RB1CC1: variants seen among roughly 807,000 people sequenced by gnomAD.
RB1CC1 encodes the protein RB1 inducible coiled-coil 1, also known as RB1-inducible coiled-coil protein 1.
RB1CC1 carries 46 observed loss-of-function variants against 177.5 expected under a neutral mutation model. The observed-to-expected ratio is 0.26, with a 90% confidence interval of 0.20 to 0.33. The LOEUF (loss-of-function observed/expected upper bound fraction) is 0.33, where lower values mean the gene tolerates loss of function less well. Ranked by LOEUF, RB1CC1 falls within the 10% of genes least tolerant of loss-of-function variation. The probability of loss-of-function intolerance (pLI) is 1.00; values close to 1 mark genes in which losing one functional copy is unlikely to be tolerated. For missense variants in RB1CC1, 1,703 were observed against 1,816.3 expected (o/e 0.94, Z 1.13); for synonymous variants, 666 against 613.6 (o/e 1.09, Z -1.26).
rs141638598 is a variant in RB1CC1, at chr8:52,623,855, T to C, written c.4712A>G (p.Gln1571Arg). Residue 1571 changes from glutamine (Q) to arginine (R), a missense_variant, in exon 24 of 24, where the codon CAA (glutamine) becomes CGA (arginine). By Grantham distance (43) the Gln-to-Arg change is conservative. This residue lies in a region of RB1CC1 where 70 missense variants were observed against 118.0 expected (regional missense o/e 0.59). Coordinates refer to ENST00000025008, the MANE Select transcript of RB1CC1 (RefSeq NM_014781.5). ...CCCCAAAGGAACTTTAAATCTGTTT[T>C]GTGCCTAAGAGGGAAAGAAAAAATG... Reference protein sequence around the residue: ...EKEYCQAKKAQNRFKVPLGTK... With the variant: ...EKEYCQAKKARNRFKVPLGTK... 1.2e-6 allele frequency: 2 copies of C among 1,604,846 alleles called. No individual in the cohort carries two copies. The highest frequency in any genetic ancestry group is 8.5e-7 in the Non-Finnish European group (1 of 1,172,526).
At chr8:52,699,545 A>C (rs1213461365) in intron 1 of RB1CC1, among the ~76,000 whole-genome samples, 1 of 151,550 alleles carries the variant, frequency 6.6e-6, no homozygotes, top group Non-Finnish European at 1.5e-5. Context: ...ATGGTGGCTC[A>C]CGCCTGTAAT....
chr8:52,712,082 T>G (rs1857104626), intron 1 of RB1CC1, among the ~76,000 whole-genome samples: 1 of 152,144 alleles, frequency 6.6e-6, no homozygotes, highest in South Asian at 2.1e-4. Context: ...ATGTAACTAG[T>G]TCAAAAACCT....
chr8:52,634,976 T>TGGAAAAAA lies in RB1CC1; in HGVS notation c.4393-16_4393-9dup. 1 of 1,604,328 alleles carries TGGAAAAAA rather than the reference T, an allele frequency of 6.2e-7. No homozygotes were observed. Among genetic ancestry groups the TGGAAAAAA allele is most frequent in the Non-Finnish European group, 8.5e-7 (1 of 1,174,994 alleles). ...TTCTTTCAATTGCAATGTCTGCAGG[T>TGGAAAAAA]GGAAAAAAGAGACCTGTGGTTTATC... On this transcript the variant is annotated splice_polypyrimidine_tract_variant and intron_variant, in intron 19 of 23. Coordinates refer to ENST00000025008, the MANE Select transcript of RB1CC1 (RefSeq NM_014781.5).
chr8:52,650,829 C>A (rs1487301758), intron 15 of RB1CC1, among the ~76,000 whole-genome samples: 1 of 152,162 alleles, frequency 6.6e-6, no homozygotes, highest in African/African-American at 2.4e-5. Flanking sequence ...AGACATGTCC[C>A]AGCTGTGCCT....
At chr8:52,648,724 G>T (rs1476827256) in intron 15 of RB1CC1, among the ~76,000 whole-genome samples, 1 of 152,152 alleles carries the variant, frequency 6.6e-6, no homozygotes, top group Non-Finnish European at 1.5e-5. Context: ...AAAAGAGAAT[G>T]AATGGGCTCC....
At chr8:52,639,155 TGAG>T (rs1346504828) in intron 18 of RB1CC1, among the ~76,000 whole-genome samples, 1 of 152,160 alleles carries the variant, frequency 6.6e-6, no homozygotes, top group East Asian at 1.9e-4. Context: ...TGAATACATC[TGAG>T]GAGAAAAATG....
At chr8:52,645,664 C>T (rs1300066193) in intron 16 of RB1CC1, 38 bp downstream of exon 16, 5 of 1,581,952 alleles carry the variant, frequency 3.2e-6, no homozygotes, top group African/African-American at 1.4e-5. Flanking sequence ...TGTCTACCTT[C>T]TTTAGTTCTC....
At chr8:52,655,045 G>A (rs1850957401) in intron 15 of RB1CC1, among the ~76,000 whole-genome samples, 1 of 152,068 alleles carries the variant, frequency 6.6e-6, no homozygotes, top group Non-Finnish European at 1.5e-5. Context: ...TCTTTGACAA[G>A]CTCTCCTGGC....
At chr8:52,637,459 T>C (rs1849231685) in intron 18 of RB1CC1, among the ~76,000 whole-genome samples, 1 of 152,128 alleles carries the variant, frequency 6.6e-6, no homozygotes, top group South Asian at 2.1e-4. Context: ...TGCCTCAGCC[T>C]CCTGAGTAGC....
chr8:52,697,771 A>G (rs975756269), intron 1 of RB1CC1, among the ~76,000 whole-genome samples: 3 of 152,218 alleles, frequency 2.0e-5, no homozygotes, highest in African/African-American at 4.8e-5. Flanking sequence ...TAGAAAATGT[A>G]TTATTTTAAT....
chr8:52,683,855 A>T, intron 4 of RB1CC1, 32 bp downstream of exon 4: 1 of 1,605,512 alleles, frequency 6.2e-7, no homozygotes, highest in African/African-American at 1.3e-5. Context: ...AAGATGTTGC[A>T]TTCTTGTGTG....
chr8:52,711,863 G>GT (rs1857088645), intron 1 of RB1CC1, among the ~76,000 whole-genome samples: 1 of 152,010 alleles, frequency 6.6e-6, no homozygotes, highest in African/African-American at 2.4e-5. Context: ...TCCATTTACT[G>GT]TTTCTTCTGC....
chr8:52,680,985 TGTGTGTG>T (rs1228670457), intron 5 of RB1CC1, among the ~76,000 whole-genome samples: 1,986 of 129,434 alleles, frequency 0.015, 50 homozygotes, highest in African/African-American at 0.057. Context: ...TGTGTGTGTG[TGTGTGTG>T]TGTTTTTTTT....
chr8:52,675,712 TCCAAAA>T lies in RB1CC1; in HGVS notation c.572+651_572+656del, dbSNP rs1375971253. Among the ~76,000 whole-genome samples the T allele has an allele frequency of 1.3e-3, 61 of 48,414 alleles. 1 individual carries two copies. In the South Asian group the frequency reaches 0.026, roughly 21 times the overall value. The allele number at this position is 48,414 out of a possible 152,430, so 31.8% of individuals were successfully genotyped here. On this transcript the variant is annotated intron_variant, in intron 6 of 23. Transcript: ENST00000025008. ...GGTGAAACCCCATCTCTACTAAAAA[TCCAAAA>T]AAAAAAAAAAAAAAAAAAATTAGCT...
intron 1 of RB1CC1, among the ~76,000 whole-genome samples, chr8:52,689,071 A>G (rs530507332): frequency 6.6e-6 from 1 of 152,136 alleles, no homozygotes; most frequent in African/African-American, 2.4e-5. Flanking sequence ...TTGATTGCTG[A>G]CTCCCAAATC....
At chr8:52,684,079 G>C (rs1854021905) in intron 3 of RB1CC1, 66 bp from the exon 4 acceptor site, 1 of 1,512,492 alleles carries the variant, frequency 6.6e-7, no homozygotes, top group South Asian at 1.3e-5. Flanking sequence ...TTTCCAAGTA[G>C]TACTATGTAA....
At chr8:52,624,666 A>C (rs757252347) in intron 23 of RB1CC1, 51 bp downstream of exon 23, 1 of 1,394,128 alleles carries the variant, frequency 7.2e-7, no homozygotes, top group Non-Finnish European at 1.0e-6. Context: ...AAGCAGTATT[A>C]AAATCTTCTT....
rs762964137 is a variant in RB1CC1 at position 52,683,914 on chromosome 8, T to A, written c.171A>T (p.Arg57=). 1 of 1,614,154 alleles carries A rather than the reference T, an allele frequency of 6.2e-7. No homozygotes were observed. Among genetic ancestry groups the A allele is most frequent in the Non-Finnish European group, 8.5e-7 (1 of 1,180,018 alleles). ...VNGGECMAAD[R]RVCTYSAGTD... is the part of the protein sequence containing the mutation. ...TCCCAGCACTGTAGGTACACACTCTTCGATCTGCAGCCATGCATTCTCCTC... is the reference window on the plus strand; with the variant it reads ...TCCCAGCACTGTAGGTACACACTCTACGATCTGCAGCCATGCATTCTCCTC... Residue 57 remains arginine, a synonymous_variant, in exon 4 of 24, where the codon CGA becomes CGT. Coordinates refer to ENST00000025008, the MANE Select transcript of RB1CC1 (RefSeq NM_014781.5).
At chr8:52,662,323 T>C (rs1024134978) in intron 8 of RB1CC1, among the ~76,000 whole-genome samples, 1 of 152,074 alleles carries the variant, frequency 6.6e-6, no homozygotes, top group Non-Finnish European at 1.5e-5. Context: ...TTTTCTTAAC[T>C]GTCCTTACTC....
Sources: allele counts gnomAD v4.1 joint callset (sites outside exome capture counted in the v4.1 genomes callset), GRCh38; gene constraint gnomAD v4.1.1; regional missense constraint gnomAD v4.1.1; transcripts MANE v1.5; gene names NCBI Gene and HGNC (gene_info 2026-07-23, HGNC 2026-07-21).